TAS1R1: variants seen among roughly 807,000 people sequenced by gnomAD.
TAS1R1 encodes taste receptor type 1 member 1.
TAS1R1 carries 31 observed loss-of-function variants against 45.8 expected under a neutral mutation model. That is an observed-to-expected ratio of 0.68 (90% CI 0.51 to 0.91). The LOEUF is 0.91. Ranked by LOEUF, TAS1R1 falls within the 40% of genes least tolerant of loss-of-function variation. The probability of loss-of-function intolerance (pLI) is 0.00; values close to 1 mark genes in which losing one functional copy is unlikely to be tolerated. For missense variants in TAS1R1, 1,051 were observed against 1,063.9 expected (o/e 0.99, Z 0.17); for synonymous variants, 437 against 448.4 (o/e 0.97, Z 0.32).
intron 5 of TAS1R1, among the ~76,000 whole-genome samples, chr1:6,578,245 A>C (rs1409300870): frequency 1.3e-5 from 2 of 152,158 alleles, no homozygotes; most frequent in Non-Finnish European, 2.9e-5. Context: ...GAGGGTCAGG[A>C]CTCAGAGAAA....
chr1:6,555,617 C>T (rs1188515648), intron 1 of TAS1R1, 53 bp downstream of exon 1: 2 of 1,497,586 alleles, frequency 1.3e-6, no homozygotes, highest in African/African-American at 2.8e-5. Context: ...GCTATAGGGC[C>T]CCTCTGGCTG....
At chr1:6,576,722 G>C (rs1640188644) in intron 4 of TAS1R1, 95 bp downstream of exon 4, 1 of 1,490,148 alleles carries the variant, frequency 6.7e-7, no homozygotes, top group African/African-American at 1.4e-5. Flanking sequence ...GCAGGAGGGG[G>C]GCCCCAGGGG....
At chr1:6,561,625 G>A (rs1639790041) in intron 1 of TAS1R1, among the ~76,000 whole-genome samples, 1 of 151,626 alleles carries the variant, frequency 6.6e-6, no homozygotes, top group African/African-American at 2.4e-5. Context: ...TGAGGCAGGA[G>A]AATAGCCTGA....
At chr1:6,572,265 A>ATTT (rs3062936) in intron 2 of TAS1R1, among the ~76,000 whole-genome samples, 1 of 102,294 alleles carries the variant, frequency 9.8e-6, no homozygotes, top group Non-Finnish European at 2.1e-5. Context: ...GTGACTTGTG[A>ATTT]TTTTTTTTTT....
chr1:6,560,764 C>T lies in TAS1R1; in HGVS notation c.191+5200C>T, dbSNP rs1289089825. Among the ~76,000 whole-genome samples, 7 of 152,102 alleles carry T rather than the reference C, an allele frequency of 4.6e-5. No individual in the cohort carries two copies. In the South Asian group the frequency reaches 1.2e-3, roughly 27 times the overall value. ...TTGGGAGGCTGAGGTGGGCAGATCA[C>T]GAGGTCAGGAGATCGAGACCATCCT... On this transcript the variant is annotated intron_variant, in intron 1 of 5. Coordinates refer to ENST00000333172, the MANE Select transcript of TAS1R1 (RefSeq NM_138697.4).
At chr1:6,558,324 G>T (rs909984550) in intron 1 of TAS1R1, among the ~76,000 whole-genome samples, 1 of 152,140 alleles carries the variant, frequency 6.6e-6, no homozygotes, top group Admixed American at 6.5e-5. Flanking sequence ...TTATAGGTGT[G>T]AGCCGTGGTG....
chr1:6,566,997 GA>G (rs1639884292), intron 1 of TAS1R1, among the ~76,000 whole-genome samples: 1 of 151,180 alleles, frequency 6.6e-6, no homozygotes, highest in Admixed American at 6.6e-5. Context: ...GTGCTGGGGA[GA>G]GGGGTCAGGG....
chr1:6,579,716 T>C lies in TAS1R1; in HGVS notation c.*132T>C. The C allele has an allele frequency of 7.9e-7, 1 of 1,259,662 alleles. No homozygotes were observed. The allele number at this position is 1,259,662 out of a possible 1,614,324, so 78.0% of individuals were successfully genotyped here. A position where few individuals can be genotyped will look rare whatever the true frequency, so the allele number is the denominator to read the frequency against. ...GGACGTGTAAGCGCCTGGGAGAGCC[T>C]AGACCAGGCTCCGGGCTGCCAATAA... On this transcript the variant is annotated 3_prime_UTR_variant, in exon 6 of 6. Coordinates refer to ENST00000333172, the MANE Select transcript of TAS1R1 (RefSeq NM_138697.4).
chr1:6,560,986 CAAAA>C (rs35928406), intron 1 of TAS1R1, among the ~76,000 whole-genome samples: 1 of 92,980 alleles, frequency 1.1e-5, no homozygotes, highest in Non-Finnish European at 1.9e-5. Context: ...GACTCTGTCT[CAAAA>C]AAAAAAAAAA....
At chr1:6,578,327 T>C (rs1307901919) in intron 5 of TAS1R1, among the ~76,000 whole-genome samples, 4 of 152,290 alleles carry the variant, frequency 2.6e-5, no homozygotes, top group Middle Eastern at 3.4e-3. Context: ...ATGCCCTCCC[T>C]TGGGAGCAGG....
chr1:6,576,308 G>A, intron 3 of TAS1R1, 107 bp from the exon 4 acceptor site: 1 of 1,056,600 alleles, frequency 9.5e-7, no homozygotes, highest in Non-Finnish European at 1.4e-6. Flanking sequence ...CTTCCTGATG[G>A]GCTGAAACCA....
Position 6,576,635 on chromosome 1 carries a change from G to A in TAS1R1, c.1473+8G>A, listed in dbSNP as rs766789560. 1.9e-6 allele frequency: 3 copies of A among 1,611,570 alleles called. No homozygotes were observed. The highest frequency in any genetic ancestry group is 2.5e-6 in the Non-Finnish European group (3 of 1,178,476). On this transcript the variant is annotated splice_region_variant and intron_variant, in intron 4 of 5. Coordinates refer to ENST00000333172, the MANE Select transcript of TAS1R1 (RefSeq NM_138697.4). ...CACGGAAAGGACAACCAGGTAATGGGGATGTGGCTACTCACCATGTAACTG... is the reference window on the plus strand; with the variant it reads ...CACGGAAAGGACAACCAGGTAATGGAGATGTGGCTACTCACCATGTAACTG...
intron 1 of TAS1R1, among the ~76,000 whole-genome samples, chr1:6,565,453 G>A (rs1204124608): frequency 2.0e-5 from 3 of 152,118 alleles, no homozygotes; most frequent in African/African-American, 7.2e-5. Flanking sequence ...TTGTATAGTT[G>A]TTTAGAAAGG....
At chr1:6,568,171 C>T (rs12039464) in intron 1 of TAS1R1, among the ~76,000 whole-genome samples, 5,046 of 151,930 alleles carry the variant, frequency 0.033, 248 homozygotes, top group African/African-American at 0.11. Flanking sequence ...TAGTTCCAGC[C>T]GGGCGCGGTG....
chr1:6,566,796 C>T (rs951098544), intron 1 of TAS1R1, among the ~76,000 whole-genome samples: 1 of 152,132 alleles, frequency 6.6e-6, no homozygotes, highest in Non-Finnish European at 1.5e-5. Context: ...GGGGTTTCAC[C>T]GTGTTAGCCA....
chr1:6,575,378 G>A lies in TAS1R1; in HGVS notation c.1246G>A (p.Val416Ile). 1 of 1,571,654 alleles carries A rather than the reference G, an allele frequency of 6.4e-7. No homozygotes were observed. Among genetic ancestry groups the A allele is most frequent in the Non-Finnish European group, 8.6e-7 (1 of 1,160,728 alleles). The change falls in exon 3 of 6, where the codon GTC (valine) becomes ATC (isoleucine). Residue 416 changes from valine (V) to isoleucine (I), a missense_variant. Coordinates refer to ENST00000333172, the MANE Select transcript of TAS1R1 (RefSeq NM_138697.4). ...CTCTGGAGCTTGTTCCAGGGGCCGAGTCTACCCCTGGCAGGTAAGAGAGCC... is the reference window on the plus strand; with the variant it reads ...CTCTGGAGCTTGTTCCAGGGGCCGAATCTACCCCTGGCAGGTAAGAGAGCC... The part of the protein sequence containing the change: ...CASGACSRGR[V>I]YPWQLLEQIH...
Position 6,574,793 on chromosome 1 carries a change from G to T in TAS1R1, c.661G>T (p.Gly221Trp), listed in dbSNP as rs906138337. 1 of 1,614,272 alleles carries T rather than the reference G, an allele frequency of 6.2e-7. No homozygotes were observed. The highest frequency in any genetic ancestry group is 1.1e-5 in the South Asian group (1 of 91,088). The change falls in exon 3 of 6, where the codon GGG (glycine) becomes TGG (tryptophan). Residue 221 changes from glycine to tryptophan, a missense_variant. By Grantham distance (184) the Gly-to-Trp change is radical. Coordinates refer to ENST00000333172, the MANE Select transcript of TAS1R1 (RefSeq NM_138697.4). The surrounding 1 kb of genome is among the most constrained non-coding windows in gnomAD (Gnocchi z 4.3). ...ISLVGSSDDY[G>W]QLGVQALENQ... ...TCTGGTTGGCAGCAGTGACGACTAT[G>T]GGCAGCTAGGGGTGCAGGCACTGGA...
chr1:6,571,367 C>G (rs1486649270), intron 2 of TAS1R1, 152 bp downstream of exon 2: 9 of 778,222 alleles, frequency 1.2e-5, no homozygotes, highest in Non-Finnish European at 1.8e-5. Flanking sequence ...GGGTCCCTGC[C>G]CAGCGTGGTT....
At chr1:6,567,509 G>A (rs1323892309) in intron 1 of TAS1R1, among the ~76,000 whole-genome samples, 14 of 151,066 alleles carry the variant, frequency 9.3e-5, no homozygotes, top group Admixed American at 7.9e-4. Context: ...GCAGTGAGCC[G>A]AGATTGCGCC....
Sources: allele counts gnomAD v4.1 joint callset (sites outside exome capture counted in the v4.1 genomes callset), GRCh38; gene constraint gnomAD v4.1.1; non-coding constraint Gnocchi (gnomAD v3.1); transcripts MANE v1.5; gene names NCBI Gene and HGNC (gene_info 2026-07-23, HGNC 2026-07-21).